The following PTGR1 variants were observed in gnomAD, a reference collection of about 807,000 sequenced individuals.
The protein encoded by PTGR1 is 15-oxoprostaglandin 13-reductase.
PTGR1 carries 23 observed loss-of-function variants against 37.7 expected under a neutral mutation model. The ratio of observed to expected loss-of-function variants is 0.61; its 90% CI spans 0.44 to 0.86. The LOEUF (loss-of-function observed/expected upper bound fraction) is 0.86. Ranked by LOEUF, PTGR1 falls within the 40% of genes least tolerant of loss-of-function variation. PTGR1 has a pLI of 0.00. For synonymous variants in PTGR1, 134 were observed against 140.0 expected, an observed-to-expected ratio of 0.96 and a Z score of 0.30; for missense variants, 351 against 394.3, an observed-to-expected ratio of 0.89 and a Z score of 0.93.
chr9:111,586,218 C>A, intron 4 of PTGR1, 53 bp from the exon 5 acceptor site: 2 of 1,554,146 alleles, frequency 1.3e-6, no homozygotes, highest in Non-Finnish European at 1.8e-6. Context: ...TCTTCCCTTT[C>A]AAGGGAGTCA....
chr9:111,560,972 T>TAGAGAG (rs1564607799), downstream of PTGR1, among the ~76,000 whole-genome samples: 1 of 21,320 alleles, frequency 4.7e-5, no homozygotes, highest in Non-Finnish European at 8.5e-5. Context: ...TATATATATA[T>TAGAGAG]ATAGAGAGAG....
At chr9:111,555,460 A>T (rs1454827608) in intron 9 of PTGR1, among the ~76,000 whole-genome samples, 2 of 152,024 alleles carry the variant, frequency 1.3e-5, no homozygotes, top group African/African-American at 4.8e-5. Context: ...TGTTAATAAA[A>T]TTTTTCCTCT....
chr9:111,569,892 G>T (rs561472809), intron 9 of PTGR1, 199 bp downstream of exon 9: 2 of 816,200 alleles, frequency 2.5e-6, no homozygotes, highest in South Asian at 1.8e-5. Context: ...CAGTGGAAAT[G>T]AACTTTAGAG....
intron 4 of PTGR1, 96 bp from the exon 5 acceptor site, chr9:111,586,261 ACT>A: frequency 8.2e-7 from 1 of 1,218,494 alleles, no homozygotes; most frequent in South Asian, 1.4e-5. Context: ...ACAAAAGTGC[ACT>A]GAGGTTGATA....
intron 2 of PTGR1, among the ~76,000 whole-genome samples, chr9:111,595,130 C>G (rs983412722): frequency 6.6e-6 from 1 of 152,092 alleles, no homozygotes; most frequent in Non-Finnish European, 1.5e-5. Context: ...GCTGGGATTA[C>G]AGGCATGAGC....
intron 4 of PTGR1, among the ~76,000 whole-genome samples, chr9:111,589,930 C>T (rs966667668): frequency 3.9e-5 from 6 of 152,126 alleles, no homozygotes; most frequent in African/African-American, 1.4e-4. Context: ...CCACTGCCCC[C>T]GGCATGAATA....
chr9:111,561,147 G>GAGA (rs1491187821), downstream of PTGR1, among the ~76,000 whole-genome samples: 166 of 44,630 alleles, frequency 3.7e-3, 14 homozygotes, highest in Non-Finnish European at 4.6e-3. Flanking sequence ...AGGAGAGAGA[G>GAGA]GGAGAGAGAG....
chr9:111,570,939 G>C (rs913309666), intron 8 of PTGR1, among the ~76,000 whole-genome samples: 1 of 152,182 alleles, frequency 6.6e-6, no homozygotes, highest in African/African-American at 2.4e-5. Context: ...AGATGAGAGA[G>C]AGGAGGAGGA....
intron 6 of PTGR1, among the ~76,000 whole-genome samples, chr9:111,582,597 T>C (rs1829316034): frequency 6.6e-6 from 1 of 152,246 alleles, no homozygotes; most frequent in African/African-American, 2.4e-5. Context: ...GGAAAACTAA[T>C]GTAATTCATT....
At chr9:111,590,582 T>C (rs980273716) in intron 4 of PTGR1, among the ~76,000 whole-genome samples, 2 of 152,108 alleles carry the variant, frequency 1.3e-5, no homozygotes, top group Admixed American at 6.6e-5. Flanking sequence ...TGGTCTCAAA[T>C]TCCTGACCTC....
chr9:111,561,150 A>AGAGAGG (rs1564608124), downstream of PTGR1, among the ~76,000 whole-genome samples: 77 of 23,962 alleles, frequency 3.2e-3, 8 homozygotes, highest in Non-Finnish European at 4.1e-3. Flanking sequence ...AGAGAGAGGG[A>AGAGAGG]GAGAGAGAGA....
At chr9:111,577,614 T>C (rs1025574459) in intron 7 of PTGR1, 2 of 152,106 alleles carry the variant, frequency 1.3e-5, no homozygotes, top group African/African-American at 2.4e-5. Context: ...GGAGGCCGAG[T>C]TGGGAGGTTT....
chr9:111,559,481 A>G (rs1564606981), downstream of PTGR1, among the ~76,000 whole-genome samples: 1 of 151,928 alleles, frequency 6.6e-6, no homozygotes, highest in Non-Finnish European at 1.5e-5. Context: ...CATCTGGGAA[A>G]CCCTGCTATG....
intron 4 of PTGR1, among the ~76,000 whole-genome samples, chr9:111,592,052 T>A (rs1176139813): frequency 6.6e-6 from 1 of 152,194 alleles, no homozygotes; most frequent in Non-Finnish European, 1.5e-5. Context: ...GGAGAGCCTA[T>A]AAATGGACGC....
intron 4 of PTGR1, among the ~76,000 whole-genome samples, chr9:111,591,494 C>T (rs999857883): frequency 6.0e-5 from 9 of 150,456 alleles, no homozygotes; most frequent in African/African-American, 2.0e-4. Context: ...CTCAGCCTCC[C>T]GAGTAGCTGG....
intron 8 of PTGR1, among the ~76,000 whole-genome samples, chr9:111,570,459 A>C (rs542978000): frequency 1.3e-5 from 2 of 152,140 alleles, no homozygotes; most frequent in Non-Finnish European, 2.9e-5. Context: ...CATGGCAAAA[A>C]GGACTTTGCA....
At chr9:111,581,536 G>A (rs2132403457) in intron 6 of PTGR1, among the ~76,000 whole-genome samples, 1 of 152,262 alleles carries the variant, frequency 6.6e-6, no homozygotes, top group East Asian at 1.9e-4. Flanking sequence ...AAAGGAAAGA[G>A]AATCAGATTG....
chr9:111,568,684 G>A (rs561159083), intron 9 of PTGR1, among the ~76,000 whole-genome samples: 13 of 152,132 alleles, frequency 8.5e-5, no homozygotes, highest in African/African-American at 2.2e-4. Context: ...GGGTATCACG[G>A]TCCTACTGAT....
At chr9:111,574,603 TTA>T in intron 8 of PTGR1, 129 bp downstream of exon 8, 1 of 622,534 alleles carries the variant, frequency 1.6e-6, no homozygotes, top group African/African-American at 2.0e-5. Flanking sequence ...AGACTCTGTC[TTA>T]AAAAAAAAAA....
Sources: allele counts gnomAD v4.1 joint callset (sites outside exome capture counted in the v4.1 genomes callset), GRCh38; gene constraint gnomAD v4.1.1; transcripts MANE v1.5; gene names NCBI Gene and HGNC (gene_info 2026-07-23, HGNC 2026-07-21).